Variants in ZNF280A observed in about 807,000 individuals in gnomAD.
ZNF280A encodes the protein zinc finger protein 280A.
A neutral mutation model predicts 35.9 loss-of-function variants in ZNF280A; 26 were observed. The ratio of observed to expected loss-of-function variants is 0.72; its 90% CI spans 0.53 to 1.01. ZNF280A has a LOEUF of 1.01. ZNF280A is among the 50% of genes least tolerant of loss of function. The pLI is 0.00. For synonymous variants in ZNF280A, 231 were observed against 232.9 expected, an observed-to-expected ratio of 0.99 and a Z score of 0.07; for missense variants, 654 against 652.0, an observed-to-expected ratio of 1.00 and a Z score of -0.03.
rs779076616 is a variant in ZNF280A, at chr22:22,514,545, G to A, written c.1086C>T (p.Pro362=). 6.2e-7 allele frequency: 1 copy of A among 1,613,910 alleles called. No individual in the cohort carries two copies. Among genetic ancestry groups the A allele is most frequent in the East Asian group, 2.2e-5 (1 of 44,798 alleles). Residue 362 remains proline (P), a synonymous_variant, in exon 2 of 2, where the codon CCC becomes CCT. Transcript: ENST00000302097. ...HIDSVHIAMG[P]SAVCKICELS... Reference sequence around the variant, plus strand: ...ATTCACAGATTTTACAGACAGCAGAGGGCCCCATGGCGATGTGTACACTAT... The same window carrying A: ...ATTCACAGATTTTACAGACAGCAGAAGGCCCCATGGCGATGTGTACACTAT...
At position 22,515,996 on chromosome 22, in the gene ZNF280A, A is replaced by G. The variant is rs76673640; in HGVS notation, c.-71-295T>C. On this transcript the variant is annotated intron_variant, in intron 1 of 1. Transcript: ENST00000302097. ...TAGATGCCTCACTCACCTCCTCCTC[A>G]TCCCACAGGTACTCTCTCAGATGTC... Among the ~76,000 whole-genome samples, 827 of 151,944 alleles carry G rather than the reference A, an allele frequency of 5.4e-3. 10 individuals are homozygous for G. The highest frequency in any genetic ancestry group is 0.019 in the African/African-American group (792 of 41,462).
At position 22,515,509 on chromosome 22, in the gene ZNF280A, T is replaced by C; in HGVS notation, c.122A>G (p.His41Arg). 5 of 1,613,920 alleles carry C rather than the reference T, an allele frequency of 3.1e-6. No individual in the cohort carries two copies. The highest frequency in any genetic ancestry group is 4.2e-6 in the Non-Finnish European group (5 of 1,179,972). Reference sequence around the variant, plus strand: ...GACAAAGAGAACTTCAGCATCTCTATGTACATGCTCCACCCCAACATAGAT... The same window carrying C: ...GACAAAGAGAACTTCAGCATCTCTACGTACATGCTCCACCCCAACATAGAT... ...DLIYVGVEHV[H>R]RDAEVLFVGM... Residue 41 changes from histidine (H) to arginine (R), a missense_variant, in exon 2 of 2, where the codon CAT becomes CGT. His to Arg is a conservative substitution (Grantham distance 29). Transcript: ENST00000302097.
rs2062122870 is a variant in ZNF280A, at chr22:22,520,084, C to A, written c.-72+5G>T. 6.6e-6 allele frequency: 1 copy of A among 151,980 alleles called. No homozygotes were observed. Among genetic ancestry groups the A allele is most frequent in the African/African-American group, 2.4e-5 (1 of 41,388 alleles). The allele number at this position is 151,980 out of a possible 1,614,324, so 9.4% of individuals were successfully genotyped here. A position where few individuals can be genotyped will look rare whatever the true frequency, so the allele number is the denominator to read the frequency against. ...AAATGAAAGATAGCAAATTTCTCAGCTCACCAGTTCCTAAAGTTGCGAGTG... is the reference window on the plus strand; with the variant it reads ...AAATGAAAGATAGCAAATTTCTCAGATCACCAGTTCCTAAAGTTGCGAGTG... On this transcript the variant is annotated splice_donor_5th_base_variant and intron_variant, in intron 1 of 1. Transcript: ENST00000302097.
In ZNF280A at chr22:22,514,946, G is replaced by A. The variant is rs141676669; in HGVS notation, c.685C>T (p.Pro229Ser). Residue 229 changes from proline (P) to serine (S), a missense_variant, in exon 2 of 2, where the codon CCT (proline) becomes TCT (serine). Transcript: ENST00000302097. The stretch of plus-strand genomic sequence containing the variant: ...AAATGTGCCTTTCCATTAGCATCAG[G>A]CCAAGGAAATGTTACTCCATTCTGA... Reference protein sequence around the residue: ...HVQNGVTFPWPDANGKAHFNL... With the variant: ...HVQNGVTFPWSDANGKAHFNL... 70 of 1,613,850 alleles carry A rather than the reference G, an allele frequency of 4.3e-5. No individual in the cohort carries two copies. The African/African-American group carries it at 9.3e-4, about 22-fold the overall frequency.
chr22:22,514,307 A>T lies in ZNF280A; in HGVS notation c.1324T>A (p.Cys442Ser). The part of the protein sequence containing the change: ...FKTAIPYMNH[C>S]WRHSRRRVLQ... The stretch of plus-strand genomic sequence containing the variant: ...ACCCTCCTTCTGCTGTGCCTCCAAC[A>T]ATGATTCATGTATGGTATTGCAGTT... The change falls in exon 2 of 2, where the codon TGT (cysteine) becomes AGT (serine). Residue 442 changes from cysteine (C) to serine (S), a missense_variant. Coordinates refer to ENST00000302097, the MANE Select transcript of ZNF280A (RefSeq NM_080740.5). 1 of 1,613,942 alleles carries T rather than the reference A, an allele frequency of 6.2e-7. No homozygotes were observed. The highest frequency in any genetic ancestry group is 8.5e-7 in the Non-Finnish European group (1 of 1,179,978).
intron 1 of ZNF280A, among the ~76,000 whole-genome samples, chr22:22,517,323 T>A (rs1340297649): frequency 1.3e-5 from 2 of 152,022 alleles, no homozygotes; most frequent in African/African-American, 2.4e-5. Context: ...GGAGTTGTGT[T>A]TCATTTACTC....
Position 22,514,790 on chromosome 22 carries a change from A to T in ZNF280A, c.841T>A (p.Tyr281Asn). The T allele has an allele frequency of 2.5e-6, 4 of 1,613,920 alleles. No homozygotes were observed. The highest frequency in any genetic ancestry group is 2.5e-6 in the Non-Finnish European group (3 of 1,179,986). ...TGCCCATCTCCTTTATGCTGTCCATAGTAAAAGTCGCTAAGTAACACGATG... is the reference window on the plus strand; with the variant it reads ...TGCCCATCTCCTTTATGCTGTCCATTGTAAAAGTCGCTAAGTAACACGATG... ...NPIVLLSDFY[Y>N]GQHKGDGQPE... Residue 281 changes from tyrosine to asparagine, a missense_variant, in exon 2 of 2, where the codon TAT becomes AAT. Tyr to Asn is a moderately radical substitution (Grantham distance 143). Transcript: ENST00000302097.
chr22:22,517,585 C>T (rs1465214074), intron 1 of ZNF280A, among the ~76,000 whole-genome samples: 2 of 151,782 alleles, frequency 1.3e-5, no homozygotes, highest in Non-Finnish European at 2.9e-5. Flanking sequence ...TTCACCTTAC[C>T]ACAAGGGATA....
chr22:22,520,023 C>T (rs1265563660), intron 1 of ZNF280A, 66 bp downstream of exon 1: 1 of 151,968 alleles, frequency 6.6e-6, no homozygotes, highest in Non-Finnish European at 1.5e-5. Context: ...TAGTCTTTCA[C>T]AGAACAAGTT....
At chr22:22,516,348 A>C (rs1028132243) in intron 1 of ZNF280A, among the ~76,000 whole-genome samples, 4 of 150,618 alleles carry the variant, frequency 2.7e-5, no homozygotes, top group African/African-American at 7.3e-5. Context: ...TCCTTTTCTC[A>C]GTAAACTCAG....
At chr22:22,518,445 T>TA (rs1162746193) in intron 1 of ZNF280A, among the ~76,000 whole-genome samples, 1 of 151,892 alleles carries the variant, frequency 6.6e-6, no homozygotes, top group Admixed American at 6.6e-5. Flanking sequence ...ACTTTTTTTT[T>TA]ATTAAGATTT....
At chr22:22,517,761 C>A (rs1461540641) in intron 1 of ZNF280A, among the ~76,000 whole-genome samples, 1 of 150,640 alleles carries the variant, frequency 6.6e-6, no homozygotes, top group Non-Finnish European at 1.5e-5. Context: ...ATAGTGGAAT[C>A]AAAAATGACA....
chr22:22,517,097 CTG>C (rs200509249), intron 1 of ZNF280A, among the ~76,000 whole-genome samples: 3,114 of 152,002 alleles, frequency 0.02, 58 homozygotes, highest in Non-Finnish European at 0.034. Context: ...AAGGAAGACT[CTG>C]TGTCTTAAAA....
At chr22:22,518,889 ATT>A (rs1214070737) in intron 1 of ZNF280A, among the ~76,000 whole-genome samples, 1 of 151,784 alleles carries the variant, frequency 6.6e-6, no homozygotes, top group Non-Finnish European at 1.5e-5. Context: ...AGCCATAATC[ATT>A]TTTTTAGTGC....
rs2062061452 is a variant in ZNF280A, at chr22:22,515,701, C to T, written c.-71G>A. 6 of 1,514,848 alleles carry T rather than the reference C, an allele frequency of 4.0e-6. No individual in the cohort carries two copies. The highest frequency in any genetic ancestry group is 5.3e-6 in the Non-Finnish European group (6 of 1,136,472). The allele number at this position is 1,514,848 out of a possible 1,614,324, so 93.8% of individuals were successfully genotyped here. ...AGAGCTGTCTTTTTACAAATTGCCA[C>T]CTAAGTGCAACCATGTGACAATAGT... On this transcript the variant is annotated splice_region_variant and 5_prime_UTR_variant, in exon 2 of 2. In the 5' UTR this introduces an upstream ATG that the reference lacks. Coordinates refer to ENST00000302097, the MANE Select transcript of ZNF280A (RefSeq NM_080740.5).
chr22:22,514,902 C>T lies in ZNF280A; in HGVS notation c.729G>A (p.Glu243=). The change falls in exon 2 of 2, where the codon GAG becomes GAA. Residue 243 remains glutamate, a synonymous_variant. Transcript: ENST00000302097. ...GKAHFNLTDP[E]RASESALAMT... The stretch of plus-strand genomic sequence containing the variant: ...TTGCCAGGGCAGACTCACTTGCTCT[C>T]TCTGGATCTGTAAGATTGAAATGTG... 1.9e-6 allele frequency: 3 copies of T among 1,613,778 alleles called. No homozygotes were observed. Among genetic ancestry groups the T allele is most frequent in the Non-Finnish European group, 8.5e-7 (1 of 1,179,884 alleles).
chr22:22,516,899 C>T (rs2062078311), intron 1 of ZNF280A, among the ~76,000 whole-genome samples: 1 of 151,906 alleles, frequency 6.6e-6, no homozygotes, highest in African/African-American at 2.4e-5. Flanking sequence ...TTCAGCAAGG[C>T]TTACCTGACC....
Position 22,513,993 on chromosome 22 carries a change from A to G in ZNF280A, c.*9T>C. ...TTTCGGAACTCCTGGAAGTCAGTCG[A>G]ACATATTTTCAGCTAGAATCCTTGC... On this transcript the variant is annotated 3_prime_UTR_variant, in exon 2 of 2. Transcript: ENST00000302097. 1 of 1,476,526 alleles carries G rather than the reference A, an allele frequency of 6.8e-7. No individual in the cohort carries two copies. The highest frequency in any genetic ancestry group is 9.3e-7 in the Non-Finnish European group (1 of 1,072,672). 91.5% of individuals were successfully genotyped at this position (1,476,526 alleles called of 1,614,324 possible). A position where few individuals can be genotyped will look rare whatever the true frequency, so the allele number is the denominator to read the frequency against.
chr22:22,514,649 C>T lies in ZNF280A; in HGVS notation c.982G>A (p.Asp328Asn), dbSNP rs759039213. The stretch of plus-strand genomic sequence containing the variant: ...CAGGTGGTGTGGTCTTCCCAGCTGT[C>T]GTTCCTCTGCTTCTCAAATTCCAAA... ...HHLEFEKQRN[D>N]SWEDHTTCQH... The change falls in exon 2 of 2, where the codon GAC (aspartate) becomes AAC (asparagine). Residue 328 changes from aspartate to asparagine, a missense_variant. By Grantham distance (23) the Asp-to-Asn change is conservative. Coordinates refer to ENST00000302097, the MANE Select transcript of ZNF280A (RefSeq NM_080740.5). 68 of 1,613,810 alleles carry T rather than the reference C, an allele frequency of 4.2e-5. No individual in the cohort carries two copies. The highest frequency in any genetic ancestry group is 4.8e-5 in the Non-Finnish European group (57 of 1,179,998).
Sources: allele counts gnomAD v4.1 joint callset (sites outside exome capture counted in the v4.1 genomes callset), GRCh38; gene constraint gnomAD v4.1.1; transcripts MANE v1.5; gene names NCBI Gene and HGNC (gene_info 2026-07-23, HGNC 2026-07-21).